The following SH2D6 variants were observed in gnomAD, a reference collection of about 807,000 sequenced individuals.
SH2D6 encodes the protein SH2 domain-containing protein 6.
In SH2D6, 31 loss-of-function variants were observed where a neutral mutation model predicts 30.2. The ratio of observed to expected loss-of-function variants is 1.03; its 90% CI spans 0.77 to 1.38. The LOEUF (loss-of-function observed/expected upper bound fraction) is 1.38. Ranked by LOEUF, SH2D6 falls within the 40% of genes most tolerant of loss-of-function variation. SH2D6 has a pLI of 0.00. For missense variants in SH2D6, 240 were observed against 266.8 expected (o/e 0.90, Z 0.70); for synonymous variants, 93 against 104.6 (o/e 0.89, Z 0.68).
At chr2:85,431,693 C>T (rs1210022315) in intron 13 of SH2D6, among the ~76,000 whole-genome samples, 1 of 152,244 alleles carries the variant, frequency 6.6e-6, no homozygotes, top group Admixed American at 6.5e-5. Context: ...CTACCTTTAT[C>T]ATACATTTCA....
intron 6 of SH2D6, among the ~76,000 whole-genome samples, chr2:85,426,200 T>A (rs979522963): frequency 2.0e-5 from 3 of 152,094 alleles, no homozygotes; most frequent in African/African-American, 7.2e-5. Context: ...TTGCAATGAA[T>A]CCCACTCCAC....
At chr2:85,435,952 C>T (rs1328708685) in intron 22 of SH2D6, 128 bp downstream of exon 22, 2 of 1,294,484 alleles carry the variant, frequency 1.5e-6, no homozygotes, top group African/African-American at 1.5e-5. Context: ...AATGACAGAG[C>T]CCAGAGCCCT....
At chr2:85,419,534 G>A (rs766042123) in intron 2 of SH2D6, among the ~76,000 whole-genome samples, 6 of 152,196 alleles carry the variant, frequency 3.9e-5, no homozygotes, top group Non-Finnish European at 7.3e-5. Flanking sequence ...CTTCTCAGCT[G>A]ATTTCTGGCT....
At chr2:85,434,906 G>T (rs1322316443) in intron 19 of SH2D6, 159 bp from the exon 20 acceptor site, 6 of 1,591,156 alleles carry the variant, frequency 3.8e-6, no homozygotes, top group Non-Finnish European at 5.1e-6. Flanking sequence ...CAGGGCACTG[G>T]ATCTGGAGAG....
rs563380019 is a variant in SH2D6, at chr2:85,424,806, G to A, written c.-308-502G>A. ...GTCCTGGCTGGGCTTGTTGGCTTAC[G>A]CCTGTAATCCCAGCACTTTGGGAGG... On this transcript the variant is annotated intron_variant, in intron 5 of 23. Transcript: ENST00000469800. 1.6e-3 allele frequency among the ~76,000 whole-genome samples: 238 copies of A among 148,280 alleles called. 1 individual carries two copies. The highest frequency in any genetic ancestry group is 5.2e-3 in the African/African-American group (208 of 40,010).
At chr2:85,423,422 G>A (rs1458698115) in intron 5 of SH2D6, among the ~76,000 whole-genome samples, 10 of 144,052 alleles carry the variant, frequency 6.9e-5, no homozygotes, top group East Asian at 4.2e-4. Context: ...TAGTAGAGAT[G>A]GGGTTTTACC....
At chr2:85,432,880 T>A (rs1688921239) in intron 14 of SH2D6, among the ~76,000 whole-genome samples, 1 of 152,182 alleles carries the variant, frequency 6.6e-6, no homozygotes, top group East Asian at 1.9e-4. Flanking sequence ...GAGCCAGGCC[T>A]GCCAAGTCAG....
intron 6 of SH2D6, among the ~76,000 whole-genome samples, chr2:85,426,022 G>A (rs1688021008): frequency 6.6e-6 from 1 of 152,190 alleles, no homozygotes; most frequent in Non-Finnish European, 1.5e-5. Context: ...AGCATGTTTA[G>A]CAGCCAAAAA....
chr2:85,425,995 G>A (rs1178273502), intron 6 of SH2D6, among the ~76,000 whole-genome samples: 1 of 152,196 alleles, frequency 6.6e-6, no homozygotes, highest in Non-Finnish European at 1.5e-5. Flanking sequence ...ATGAGGCGGA[G>A]AACTCCCCAA....
At chr2:85,434,961 C>T (rs754872111) in intron 19 of SH2D6, 104 bp from the exon 20 acceptor site, 56 of 1,593,780 alleles carry the variant, frequency 3.5e-5, no homozygotes, top group Middle Eastern at 2.3e-4. Flanking sequence ...GGGCCATGTA[C>T]GCCTCCTCCT....
chr2:85,428,869 C>T (rs1327527752), intron 7 of SH2D6, among the ~76,000 whole-genome samples, 172 bp downstream of exon 7: 2 of 152,208 alleles, frequency 1.3e-5, no homozygotes, highest in African/African-American at 2.4e-5. Context: ...GTAATGCCTT[C>T]CTGCTTCATT....
chr2:85,426,865 C>T (rs758923364), intron 6 of SH2D6, among the ~76,000 whole-genome samples: 2 of 152,190 alleles, frequency 1.3e-5, no homozygotes, highest in Non-Finnish European at 1.5e-5. Context: ...CTGGGGTGGC[C>T]GGGCAGGCGT....
At position 85,436,938 on chromosome 2, in the gene SH2D6, T is replaced by G. The variant is rs1018046731; in HGVS notation, c.*114T>G. 1 of 234,506 alleles carries G rather than the reference T, an allele frequency of 4.3e-6. No individual in the cohort carries two copies. Among genetic ancestry groups the G allele is most frequent in the Non-Finnish European group, 8.4e-6 (1 of 118,792 alleles). The allele number at this position is 234,506 out of a possible 1,614,324, so 14.5% of individuals were successfully genotyped here. A position where few individuals can be genotyped will look rare whatever the true frequency, so the allele number is the denominator to read the frequency against. On this transcript the variant is annotated 3_prime_UTR_variant, in exon 24 of 24. Coordinates refer to ENST00000469800, the MANE Select transcript of SH2D6 (RefSeq NM_001394463.1). Reference sequence around the variant, plus strand: ...CAGGCACTGCTGGAACAGCAAAGGATCCTCTCACATCTACTTGTGGGCCTA... The same window carrying G: ...CAGGCACTGCTGGAACAGCAAAGGAGCCTCTCACATCTACTTGTGGGCCTA...
chr2:85,425,782 G>A (rs1032024076), intron 6 of SH2D6, among the ~76,000 whole-genome samples: 1 of 152,134 alleles, frequency 6.6e-6, no homozygotes, highest in African/African-American at 2.4e-5. Flanking sequence ...TTTGGGCCCT[G>A]GGTGGTGGCA....
chr2:85,421,937 G>A (rs1421206411), intron 2 of SH2D6: 1 of 152,382 alleles, frequency 6.6e-6, no homozygotes, highest in Non-Finnish European at 1.5e-5. Context: ...CTGTGTACTT[G>A]GTCACCTCCT....
intron 14 of SH2D6, 120 bp from the exon 15 acceptor site, chr2:85,432,979 C>A: frequency 3.6e-6 from 3 of 830,790 alleles, no homozygotes; most frequent in Non-Finnish European, 4.4e-6. Context: ...TCAAAGCTGG[C>A]TCTGAGATGT....
chr2:85,425,065 C>T (rs1342203947), intron 5 of SH2D6, among the ~76,000 whole-genome samples: 3 of 151,760 alleles, frequency 2.0e-5, no homozygotes, highest in Non-Finnish European at 4.4e-5. Flanking sequence ...GACTCCATCT[C>T]GAAATAAATA....
chr2:85,435,545 A>T, intron 21 of SH2D6, 49 bp downstream of exon 21: 1 of 1,602,664 alleles, frequency 6.2e-7, no homozygotes, highest in Non-Finnish European at 8.5e-7. Flanking sequence ...TTTTGCTCAC[A>T]GGCTGTGGCT....
At chr2:85,434,617 T>TAA (rs532727235) in intron 19 of SH2D6, 120 bp downstream of exon 19, 27,691 of 970,190 alleles carry the variant, frequency 0.029, 1 homozygote, top group South Asian at 0.046. Flanking sequence ...TGACTAGACT[T>TAA]AAAAAAAAAA....
Sources: allele counts gnomAD v4.1 joint callset (sites outside exome capture counted in the v4.1 genomes callset), GRCh38; gene constraint gnomAD v4.1.1; transcripts MANE v1.5; gene names NCBI Gene and HGNC (gene_info 2026-07-23, HGNC 2026-07-21).